CWF19L2: variants seen among roughly 807,000 people sequenced by gnomAD.
The protein encoded by CWF19L2 is CWF19-like protein 2.
In CWF19L2, 98 loss-of-function variants were observed where a neutral mutation model predicts 111.7. That is an observed-to-expected ratio of 0.88 (90% CI 0.75 to 1.04). The LOEUF is 1.04. Among genes scored for constraint, CWF19L2 ranks in the 50% least tolerant of loss-of-function variants. The pLI, the probability that CWF19L2 is intolerant of heterozygous loss-of-function variation, is 0.00. For missense variants in CWF19L2, 1,101 were observed against 1,051.4 expected (o/e 1.05, Z -0.65); for synonymous variants, 351 against 342.9 (o/e 1.02, Z -0.26).
At chr11:107,357,812 T>G (rs1354291220) in intron 12 of CWF19L2, among the ~76,000 whole-genome samples, 1 of 152,176 alleles carries the variant, frequency 6.6e-6, no homozygotes, top group Admixed American at 6.5e-5. Context: ...TTCTCATTAT[T>G]TGAGAGTAAC....
At chr11:107,338,901 C>A (rs1375754777) in intron 14 of CWF19L2, among the ~76,000 whole-genome samples, 2 of 152,112 alleles carry the variant, frequency 1.3e-5, no homozygotes, top group African/African-American at 4.8e-5. Flanking sequence ...ATCTTTATAA[C>A]AGAATGAATT....
At chr11:107,409,129 A>T (rs1281079899) in intron 10 of CWF19L2, among the ~76,000 whole-genome samples, 1 of 151,938 alleles carries the variant, frequency 6.6e-6, no homozygotes, top group South Asian at 2.1e-4. Context: ...AACAGTTCAC[A>T]TATTCTGGGA....
intron 6 of CWF19L2, 60 bp from the exon 7 acceptor site, chr11:107,433,809 G>A (rs1439134015): frequency 1.6e-6 from 1 of 617,528 alleles, no homozygotes; most frequent in Admixed American, 4.0e-5. Context: ...CAATTAATAT[G>A]TATTGCTTCT....
At chr11:107,335,055 GTATAT>G in intron 15 of CWF19L2, 94 bp from the exon 16 acceptor site, 1 of 759,340 alleles carries the variant, frequency 1.3e-6, no homozygotes, top group East Asian at 2.5e-5. Context: ...TAATTATGGG[GTATAT>G]TATACATAGT....
intron 10 of CWF19L2, among the ~76,000 whole-genome samples, chr11:107,413,220 A>T (rs886184856): frequency 2.1e-4 from 32 of 152,176 alleles, no homozygotes; most frequent in Non-Finnish European, 4.0e-4. Context: ...GTGCTTATGG[A>T]GGGGCAGGAA....
At position 107,390,478 on chromosome 11, in the gene CWF19L2, A is replaced by G. The variant is rs532898878; in HGVS notation, c.1735-267T>C. On this transcript the variant is annotated intron_variant, in intron 11 of 17. Transcript: ENST00000282251. Reference sequence around the variant, plus strand: ...TTCTGAGCTTTGATGAAAGAGCAAAACTGCTCTACCCCTTCTTCTCTCTTT... The same window carrying G: ...TTCTGAGCTTTGATGAAAGAGCAAAGCTGCTCTACCCCTTCTTCTCTCTTT... Among the ~76,000 whole-genome samples the G allele has an allele frequency of 4.5e-4, 68 of 152,248 alleles. 1 individual carries two copies. The highest frequency in any genetic ancestry group is 1.6e-3 in the African/African-American group (67 of 41,542).
rs976679647 is a variant in CWF19L2, at chr11:107,390,080, T to C, written c.1866A>G (p.Ala622=). ...ENQNKLFMRM[A]SKFMGKTDGD... The stretch of plus-strand genomic sequence containing the variant: ...TCCTAGGAATATATCTTACCTTAGA[T>C]GCCATTCTCATAAAGAGCTTGTTTT... The change falls in exon 12 of 18, where the codon GCA becomes GCG. Residue 622 remains alanine (A), a synonymous_variant. Transcript: ENST00000282251. 24 of 1,612,544 alleles carry C rather than the reference T, an allele frequency of 1.5e-5. No individual in the cohort carries two copies. The highest frequency in any genetic ancestry group is 4.0e-5 in the African/African-American group (3 of 74,894).
chr11:107,433,013 C>G (rs1180485531), intron 7 of CWF19L2, among the ~76,000 whole-genome samples: 1 of 152,034 alleles, frequency 6.6e-6, no homozygotes, highest in Admixed American at 6.5e-5. Flanking sequence ...ACTATGTGTA[C>G]ATTATTAAGT....
intron 6 of CWF19L2, among the ~76,000 whole-genome samples, chr11:107,438,530 C>G (rs988512359): frequency 3.9e-5 from 6 of 152,104 alleles, no homozygotes; most frequent in African/African-American, 1.4e-4. Context: ...TTATTATGTA[C>G]TCATAGAATC....
intron 12 of CWF19L2, among the ~76,000 whole-genome samples, chr11:107,367,733 C>G (rs1860451912): frequency 7.9e-6 from 1 of 126,216 alleles, no homozygotes; most frequent in Admixed American, 7.7e-5. Flanking sequence ...TGCTAGATGA[C>G]GAGTTACTGG....
chr11:107,408,553 T>C (rs777028050), intron 10 of CWF19L2, among the ~76,000 whole-genome samples: 8 of 151,060 alleles, frequency 5.3e-5, no homozygotes, highest in Non-Finnish European at 1.2e-4. Context: ...TTTTCTTTAA[T>C]TTATTTTTTC....
rs112190638 is a variant in CWF19L2, at chr11:107,361,327, C to T, written c.1873-7591G>A. 3.8e-3 allele frequency among the ~76,000 whole-genome samples: 586 copies of T among 152,282 alleles called. 1 individual carries two copies. Among genetic ancestry groups the T allele is most frequent in the African/African-American group, 0.012 (518 of 41,562 alleles). Reference sequence around the variant, plus strand: ...CATTGATCTGGCTGTCTATTGTTTACGTCAGTACCAAGCTGTTTTGGTTAC... The same window carrying T: ...CATTGATCTGGCTGTCTATTGTTTATGTCAGTACCAAGCTGTTTTGGTTAC... On this transcript the variant is annotated intron_variant, in intron 12 of 17. Coordinates refer to ENST00000282251, the MANE Select transcript of CWF19L2 (RefSeq NM_152434.3).
chr11:107,418,391 G>T, intron 8 of CWF19L2, 104 bp from the exon 9 acceptor site: 1 of 744,714 alleles, frequency 1.3e-6, no homozygotes, highest in Non-Finnish European at 2.5e-6. Context: ...AAAGCATTCA[G>T]TACCAATAGC....
chr11:107,416,289 C>A lies in CWF19L2; in HGVS notation c.1537G>T (p.Glu513Ter). 2.1e-6 allele frequency: 3 copies of A among 1,425,222 alleles called. No individual in the cohort carries two copies. The highest frequency in any genetic ancestry group is 2.8e-5 in the South Asian group (2 of 71,972). 88.3% of individuals were successfully genotyped at this position (1,425,222 alleles called of 1,614,324 possible). Residue 513 changes from glutamate (E) to a stop codon, truncating the protein, a stop_gained, in exon 10 of 18, where the codon GAA becomes TAA. Coordinates refer to ENST00000282251, the MANE Select transcript of CWF19L2 (RefSeq NM_152434.3). LOFTEE classifies it high-confidence loss of function. ...TTTTCAAGTTGAACTTTAAGTTGTT[C>A]AGCTAATTCCTTCAAAAAGAAAAAC... The part of the protein sequence containing the change: ...AEMMGNMELA[E>*]QLKVQLEKAN...
chr11:107,357,045 C>CAAAACAAAAAA (rs1860248014), intron 12 of CWF19L2, among the ~76,000 whole-genome samples: 1 of 150,960 alleles, frequency 6.6e-6, no homozygotes, highest in South Asian at 2.1e-4. Context: ...TCTCAAACAA[C>CAAAACAAAAAA]AAAACAAAAA....
intron 13 of CWF19L2, among the ~76,000 whole-genome samples, chr11:107,349,543 G>A (rs1226766243): frequency 6.6e-6 from 1 of 151,792 alleles, no homozygotes; most frequent in Non-Finnish European, 1.5e-5. Context: ...AAATGACCTC[G>A]GAATGGCTTT....
At chr11:107,352,415 C>T (rs1396567530) in intron 13 of CWF19L2, among the ~76,000 whole-genome samples, 1 of 152,048 alleles carries the variant, frequency 6.6e-6, no homozygotes, top group African/African-American at 2.4e-5. Flanking sequence ...TAGAGGCTGA[C>T]AAACACTAGA....
At chr11:107,433,802 T>C (rs1328548951) in intron 6 of CWF19L2, 53 bp from the exon 7 acceptor site, 1 of 688,034 alleles carries the variant, frequency 1.5e-6, no homozygotes, top group Non-Finnish European at 2.2e-6. Flanking sequence ...TATCATACAA[T>C]TAATATGTAT....
chr11:107,445,626 G>C (rs1861691351), intron 3 of CWF19L2, among the ~76,000 whole-genome samples: 1 of 147,980 alleles, frequency 6.8e-6, no homozygotes, highest in African/African-American at 2.5e-5. Context: ...AAAAGTAGTA[G>C]CCCTAGATCA....
Sources: gnomAD v4.1 joint callset for allele counts (sites outside exome capture counted in the v4.1 genomes callset) on GRCh38, gnomAD v4.1.1 for gene constraint, MANE v1.5 for transcripts, NCBI Gene and HGNC (gene_info 2026-07-23, HGNC 2026-07-21) for gene names.